Variants in THAP10 observed in about 807,000 individuals in gnomAD.
THAP10 encodes the protein THAP domain-containing protein 10.
THAP10 carries 10 observed loss-of-function variants against 15.7 expected under a neutral mutation model. The ratio of observed to expected loss-of-function variants is 0.64; its 90% confidence interval spans 0.39 to 1.08. THAP10 has a LOEUF of 1.08. THAP10 is among the 50% of genes least tolerant of loss of function. The pLI, the probability that THAP10 is intolerant of heterozygous loss-of-function variation, is 0.01. For missense variants in THAP10, 310 were observed against 330.9 expected (o/e 0.94, Z 0.49); for synonymous variants, 127 against 129.1 (o/e 0.98, Z 0.11).
At position 70,892,375 on chromosome 15, in the gene THAP10, G is replaced by A; in HGVS notation, c.-103C>T. On this transcript the variant is annotated 5_prime_UTR_variant, in exon 1 of 3. Coordinates refer to ENST00000249861, the MANE Select transcript of THAP10 (RefSeq NM_020147.4). ...GAGGCAAGTCCTCCCCTCCTCACCT[G>A]TCCACTCCGGGTCGGGATTGTTTCC... is the stretch of plus-strand genomic sequence containing the variant. 1 of 1,546,576 alleles carries A rather than the reference G, an allele frequency of 6.5e-7. No homozygotes were observed. Among genetic ancestry groups the A allele is most frequent in the East Asian group, 2.4e-5 (1 of 40,872 alleles).
chr15:70,892,387 T>C lies in THAP10; in HGVS notation c.-115A>G. 6.5e-7 allele frequency: 1 copy of C among 1,544,584 alleles called. No homozygotes were observed. The highest frequency in any genetic ancestry group is 8.7e-7 in the Non-Finnish European group (1 of 1,146,622). On this transcript the variant is annotated 5_prime_UTR_variant, in exon 1 of 3. Coordinates refer to ENST00000249861, the MANE Select transcript of THAP10 (RefSeq NM_020147.4). ...CCCCTCCTCACCTGTCCACTCCGGG[T>C]CGGGATTGTTTCCTTCCCTACCTCT...
In THAP10 at chr15:70,891,921, C is replaced by T. The variant is rs746064059; in HGVS notation, c.352G>A (p.Ala118Thr). 10 of 1,613,670 alleles carry T rather than the reference C, an allele frequency of 6.2e-6. No homozygotes were observed. Among genetic ancestry groups the T allele is most frequent in the Non-Finnish European group, 6.8e-6 (8 of 1,179,966 alleles). ...RLDTRGELQA[A>T]RHSEAAPGPV... Reference sequence around the variant, plus strand: ...CCTGGGGCAGCCTCAGAATGCCTGGCTGCCTGGAGCTCTCCTCGCGTGTCC... The same window carrying T: ...CCTGGGGCAGCCTCAGAATGCCTGGTTGCCTGGAGCTCTCCTCGCGTGTCC... Residue 118 changes from alanine (A) to threonine (T), a missense_variant, in exon 1 of 3, where the codon GCC becomes ACC. Ala to Thr is a moderately conservative substitution (Grantham distance 58). Transcript: ENST00000249861.
rs1286250510 is a variant in THAP10 at position 70,891,828 on chromosome 15, G to A, written c.429+16C>T. ...GTCCAGGGGTCCTTACACAACCTTC[G>A]GTGGTCTCTCTTTACCTGTGAAGCT... On this transcript the variant is annotated intron_variant, in intron 1 of 2. Transcript: ENST00000249861. 2.6e-6 allele frequency: 4 copies of A among 1,544,748 alleles called. No individual in the cohort carries two copies. Among genetic ancestry groups the A allele is most frequent in the East Asian group, 2.3e-5 (1 of 44,188 alleles).
intron 1 of THAP10, among the ~76,000 whole-genome samples, chr15:70,886,731 T>C (rs926172340): frequency 2.0e-5 from 3 of 152,054 alleles, no homozygotes; most frequent in African/African-American, 4.8e-5. Flanking sequence ...CTGGGTGCGG[T>C]GGCAGGCACC....
chr15:70,889,840 G>C (rs549451037), intron 1 of THAP10, among the ~76,000 whole-genome samples: 1 of 152,276 alleles, frequency 6.6e-6, no homozygotes, highest in South Asian at 2.1e-4. Flanking sequence ...AACATTGGGT[G>C]GGGGAAGAAG....
rs750744862 is a variant in THAP10 at position 70,892,383 on chromosome 15, C to G, written c.-111G>C. The G allele has an allele frequency of 6.5e-7, 1 of 1,545,384 alleles. No individual in the cohort carries two copies. The highest frequency in any genetic ancestry group is 2.0e-5 in the Admixed American group (1 of 50,938). ...TCCTCCCCTCCTCACCTGTCCACTCCGGGTCGGGATTGTTTCCTTCCCTAC... is the reference window on the plus strand; with the variant it reads ...TCCTCCCCTCCTCACCTGTCCACTCGGGGTCGGGATTGTTTCCTTCCCTAC... On this transcript the variant is annotated 5_prime_UTR_variant, in exon 1 of 3. Coordinates refer to ENST00000249861, the MANE Select transcript of THAP10 (RefSeq NM_020147.4).
At chr15:70,887,972 T>C (rs1595982720) in intron 1 of THAP10, among the ~76,000 whole-genome samples, 1 of 152,138 alleles carries the variant, frequency 6.6e-6, no homozygotes, top group East Asian at 1.9e-4. Context: ...TAGCTGTGAA[T>C]AAATCTAATG....
rs141895817 is a variant in THAP10, at chr15:70,888,708, T to A, written c.429+3136A>T. ...CCATAGTGGGAGAAGATAAAAACAT[T>A]TAACTGAAAAAGGACTTCCAGGTAG... On this transcript the variant is annotated intron_variant, in intron 1 of 2. Transcript: ENST00000249861. Among the ~76,000 whole-genome samples, 12 of 152,098 alleles carry A rather than the reference T, an allele frequency of 7.9e-5. No individual in the cohort carries two copies. The East Asian group carries it at 2.3e-3, about 29-fold the overall frequency.
In THAP10 at chr15:70,882,303, C is replaced by T. The variant is rs1230065606; in HGVS notation, c.*151G>A. The T allele has an allele frequency of 1.6e-6, 1 of 627,926 alleles. No individual in the cohort carries two copies. Among genetic ancestry groups the T allele is most frequent in the Non-Finnish European group, 2.7e-6 (1 of 369,200 alleles). 38.9% of individuals were successfully genotyped at this position (627,926 alleles called of 1,614,324 possible). On this transcript the variant is annotated 3_prime_UTR_variant, in exon 3 of 3. Coordinates refer to ENST00000249861, the MANE Select transcript of THAP10 (RefSeq NM_020147.4). ...GTATTATCTTCATTGTGTTGGCAAG[C>T]AAGCAAACTTTTGCCTTAGAGCTAA...
intron 1 of THAP10, among the ~76,000 whole-genome samples, chr15:70,889,752 A>G (rs563898560): frequency 9.2e-5 from 14 of 152,316 alleles, no homozygotes; most frequent in South Asian, 2.1e-4. Flanking sequence ...AACAGTGTCT[A>G]CAATAGCTCT....
chr15:70,882,314 T>C lies in THAP10; in HGVS notation c.*140A>G. 1 of 698,542 alleles carries C rather than the reference T, an allele frequency of 1.4e-6. No homozygotes were observed. The highest frequency in any genetic ancestry group is 2.6e-5 in the East Asian group (1 of 38,212). The allele number at this position is 698,542 out of a possible 1,614,324, so 43.3% of individuals were successfully genotyped here. On this transcript the variant is annotated 3_prime_UTR_variant, in exon 3 of 3. Transcript: ENST00000249861. Reference sequence around the variant, plus strand: ...ATTGTGTTGGCAAGCAAGCAAACTTTTGCCTTAGAGCTAAACAAATTATGC... The same window carrying C: ...ATTGTGTTGGCAAGCAAGCAAACTTCTGCCTTAGAGCTAAACAAATTATGC...
chr15:70,890,127 T>A (rs893885577), intron 1 of THAP10, among the ~76,000 whole-genome samples: 1 of 152,226 alleles, frequency 6.6e-6, no homozygotes, highest in Non-Finnish European at 1.5e-5. Flanking sequence ...ATAAAGACTT[T>A]GGTTGTTTGA....
chr15:70,882,334 T>C lies in THAP10; in HGVS notation c.*120A>G. Reference sequence around the variant, plus strand: ...AACTTTTGCCTTAGAGCTAAACAAATTATGCTGATACTCAACTGTCAAATT... The same window carrying C: ...AACTTTTGCCTTAGAGCTAAACAAACTATGCTGATACTCAACTGTCAAATT... On this transcript the variant is annotated 3_prime_UTR_variant, in exon 3 of 3. Coordinates refer to ENST00000249861, the MANE Select transcript of THAP10 (RefSeq NM_020147.4). 2 of 941,224 alleles carry C rather than the reference T, an allele frequency of 2.1e-6. No homozygotes were observed. Among genetic ancestry groups the C allele is most frequent in the Non-Finnish European group, 3.2e-6 (2 of 630,552 alleles). The allele number at this position is 941,224 out of a possible 1,614,324, so 58.3% of individuals were successfully genotyped here. A position where few individuals can be genotyped will look rare whatever the true frequency, so the allele number is the denominator to read the frequency against.
At chr15:70,889,512 T>C (rs938394100) in intron 1 of THAP10, among the ~76,000 whole-genome samples, 1 of 152,218 alleles carries the variant, frequency 6.6e-6, no homozygotes, top group Non-Finnish European at 1.5e-5. Flanking sequence ...ATTTAATGAC[T>C]TGTCCACTTA....
At position 70,881,388 on chromosome 15, in the gene THAP10, A is replaced by G. The variant is rs2033260818; in HGVS notation, c.*1066T>C. On this transcript the variant is annotated 3_prime_UTR_variant, in exon 3 of 3. Transcript: ENST00000249861. ...TTTTCCTTAAAGCAGACATAAAATT[A>G]CATTTGGAAGAAAATAACTTTGATG... 1 of 152,252 alleles carries G rather than the reference A, an allele frequency of 6.6e-6. No individual in the cohort carries two copies. Among genetic ancestry groups the G allele is most frequent in the South Asian group, 2.1e-4 (1 of 4,834 alleles). 9.4% of individuals were successfully genotyped at this position (152,252 alleles called of 1,614,324 possible).
intron 1 of THAP10, 53 bp from the exon 2 acceptor site, chr15:70,882,961 T>A: frequency 6.3e-7 from 1 of 1,578,542 alleles, no homozygotes. Flanking sequence ...TATAGGATTT[T>A]ATCTTTCAAA....
intron 1 of THAP10, among the ~76,000 whole-genome samples, chr15:70,891,221 A>G (rs1415418983): frequency 6.6e-6 from 1 of 152,226 alleles, no homozygotes; most frequent in Admixed American, 6.5e-5. Context: ...GAGTGCAAAC[A>G]ATGTTTAGAA....
At chr15:70,885,269 A>G (rs966763262) in intron 1 of THAP10, among the ~76,000 whole-genome samples, 1 of 152,210 alleles carries the variant, frequency 6.6e-6, no homozygotes, top group Admixed American at 6.5e-5. Flanking sequence ...GACATAGGGG[A>G]TAAGATTTAA....
At chr15:70,884,544 A>G (rs1161887504) in intron 1 of THAP10, among the ~76,000 whole-genome samples, 2 of 146,154 alleles carry the variant, frequency 1.4e-5, no homozygotes, top group Non-Finnish European at 3.0e-5. Context: ...ATACACACAG[A>G]AAAAAAAAAA....
Sources: allele counts gnomAD v4.1 joint callset (sites outside exome capture counted in the v4.1 genomes callset), GRCh38; gene constraint gnomAD v4.1.1; transcripts MANE v1.5; gene names NCBI Gene and HGNC (gene_info 2026-07-23, HGNC 2026-07-21).